The following SATL1 variants were observed in gnomAD, a reference collection of about 807,000 sequenced individuals.
The protein encoded by SATL1 is spermidine/spermine N1-acetyl transferase like 1.
In SATL1, 47 loss-of-function variants were observed where a neutral mutation model predicts 51.8. That is an observed-to-expected ratio of 0.91 (90% CI 0.72 to 1.16). SATL1 has a LOEUF of 1.16. Among genes scored for constraint, SATL1 ranks in the 50% most tolerant of loss-of-function variants. SATL1 has a pLI of 0.00. For missense variants in SATL1, 520 were observed against 526.4 expected (o/e 0.99, Z 0.12); for synonymous variants, 176 against 182.4 (o/e 0.97, Z 0.28).
At chrX:85,198,220 T>C (rs1405238322) in intron 2 of SATL1, among the ~76,000 whole-genome samples, 1 of 112,232 alleles carries the variant, frequency 8.9e-6, no homozygotes, top group African/African-American at 3.2e-5. Flanking sequence ...ATATTTTCTT[T>C]CTCTATTCTG....
intron 2 of SATL1, among the ~76,000 whole-genome samples, chrX:85,181,207 A>G (rs1039120485): frequency 5.0e-4 from 51 of 101,014 alleles, no homozygotes; most frequent in African/African-American, 2.0e-3. Context: ...ATATATACAC[A>G]TATATATATA....
chrX:85,234,016 G>T (rs896303054), intron 1 of SATL1, among the ~76,000 whole-genome samples: 5 of 111,042 alleles, frequency 4.5e-5, no homozygotes, highest in Non-Finnish European at 7.6e-5. Flanking sequence ...ATTTCCAAAG[G>T]TCACAGATAA....
intron 2 of SATL1, among the ~76,000 whole-genome samples, chrX:85,140,933 A>G (rs1249167556): frequency 8.9e-6 from 1 of 111,813 alleles, no homozygotes; most frequent in African/African-American, 3.2e-5. Context: ...CTCACATAAC[A>G]AGAAGTCTTA....
chrX:85,148,924 C>A (rs1289974270), intron 2 of SATL1, among the ~76,000 whole-genome samples: 1 of 110,311 alleles, frequency 9.1e-6, no homozygotes, highest in African/African-American at 3.3e-5. Context: ...GCAAAATAAC[C>A]AGCTAACATC....
chrX:85,218,545 A>G (rs1253492481), intron 2 of SATL1, among the ~76,000 whole-genome samples: 1 of 112,028 alleles, frequency 8.9e-6, no homozygotes, highest in Non-Finnish European at 1.9e-5. Context: ...TGTGACATAA[A>G]TAATGTTATG....
At chrX:85,151,826 T>G (rs1388732866) in intron 2 of SATL1, among the ~76,000 whole-genome samples, 1 of 111,760 alleles carries the variant, frequency 8.9e-6, no homozygotes, top group African/African-American at 3.3e-5. Flanking sequence ...TCAAGATGAT[T>G]AAATACTTAA....
chrX:85,226,355 TAGATGTCC>T (rs1928276795), intron 1 of SATL1, among the ~76,000 whole-genome samples: 2 of 111,637 alleles, frequency 1.8e-5, no homozygotes, highest in Non-Finnish European at 3.8e-5. Context: ...AAAGTTGGGT[TAGATGTCC>T]TATTTGCACC....
chrX:85,220,421 G>A (rs1385890470), intron 2 of SATL1, among the ~76,000 whole-genome samples: 1 of 108,407 alleles, frequency 9.2e-6, no homozygotes, highest in Non-Finnish European at 1.9e-5. Context: ...ATCAGTGGGA[G>A]CAGCTAAGGG....
chrX:85,110,370 C>T (rs765477970), intron 2 of SATL1, among the ~76,000 whole-genome samples: 1 of 111,977 alleles, frequency 8.9e-6, no homozygotes, highest in South Asian at 3.8e-4. Flanking sequence ...TGGCTTACTT[C>T]CTCAACAATG....
At chrX:85,189,206 T>C (rs762640251) in intron 2 of SATL1, among the ~76,000 whole-genome samples, 1 of 111,682 alleles carries the variant, frequency 9.0e-6, no homozygotes, top group East Asian at 2.8e-4. Flanking sequence ...AAGAGATGGG[T>C]TTCTCACTAT....
intron 2 of SATL1, among the ~76,000 whole-genome samples, chrX:85,144,045 CT>C (rs1034022485): frequency 1.8e-5 from 2 of 110,723 alleles, no homozygotes; most frequent in African/African-American, 3.3e-5. Flanking sequence ...AGAAGTACAA[CT>C]TTTTTTTTCT....
At chrX:85,130,483 G>A (rs1375471134) in intron 2 of SATL1, among the ~76,000 whole-genome samples, 6 of 111,151 alleles carry the variant, frequency 5.4e-5, no homozygotes, top group African/African-American at 1.6e-4. Context: ...CTGTGGGATC[G>A]GTGGTGATAT....
intron 2 of SATL1, among the ~76,000 whole-genome samples, chrX:85,134,591 A>G (rs1696216121): frequency 2.7e-5 from 3 of 111,994 alleles, no homozygotes; most frequent in African/African-American, 9.7e-5. Context: ...CAAAGGAGCA[A>G]CAGAAAGAAT....
chrX:85,146,885 T>C (rs1259676596), intron 2 of SATL1, among the ~76,000 whole-genome samples: 2 of 112,534 alleles, frequency 1.8e-5, no homozygotes, highest in Non-Finnish European at 3.8e-5. Context: ...GCTCCCAGCA[T>C]GAGTGACACA....
chrX:85,117,012 C>T (rs1020221078), intron 2 of SATL1, among the ~76,000 whole-genome samples: 15 of 111,229 alleles, frequency 1.3e-4, no homozygotes, highest in African/African-American at 4.6e-4. Context: ...AGTGAGCATG[C>T]GTATAACTCT....
intron 2 of SATL1, among the ~76,000 whole-genome samples, chrX:85,223,906 C>G (rs1230125183): frequency 9.0e-6 from 1 of 111,212 alleles, no homozygotes; most frequent in East Asian, 2.8e-4. Flanking sequence ...AAAAATACTT[C>G]TAGATAATGA....
At chrX:85,146,789 G>A (rs1264774137) in intron 2 of SATL1, among the ~76,000 whole-genome samples, 1 of 112,635 alleles carries the variant, frequency 8.9e-6, no homozygotes, top group South Asian at 3.6e-4. Flanking sequence ...GGGAATTTGG[G>A]AAAGTCATAT....
intron 2 of SATL1, among the ~76,000 whole-genome samples, chrX:85,110,537 T>A (rs766572102): frequency 1.8e-5 from 2 of 111,985 alleles, no homozygotes; most frequent in East Asian, 5.6e-4. Flanking sequence ...AACCCTGTGA[T>A]GCATGTACCG....
At chrX:85,110,331 A>C (rs950960332) in intron 2 of SATL1, among the ~76,000 whole-genome samples, 1 of 111,594 alleles carries the variant, frequency 9.0e-6, no homozygotes, top group Non-Finnish European at 1.9e-5. Context: ...TCCCCTCTGC[A>C]GGATTCATTC....
Sources: allele counts gnomAD v4.1 joint callset (sites outside exome capture counted in the v4.1 genomes callset), GRCh38; gene constraint gnomAD v4.1.1; transcripts MANE v1.5; gene names NCBI Gene and HGNC (gene_info 2026-07-23, HGNC 2026-07-21).